AS3MT: variants seen among roughly 807,000 people sequenced by gnomAD.
The protein encoded by AS3MT is S-adenosyl-L-methionine:arsenic(III) methyltransferase.
AS3MT carries 47 observed loss-of-function variants against 45.3 expected under a neutral mutation model. The observed-to-expected ratio is 1.04, with a 90% CI of 0.82 to 1.32. The LOEUF is 1.32. Among genes scored for constraint, AS3MT ranks in the 40% most tolerant of loss-of-function variants. AS3MT has a pLI of 0.00. For missense variants in AS3MT, 396 were observed against 451.1 expected (o/e 0.88, Z 1.11); for synonymous variants, 141 against 152.8 (o/e 0.92, Z 0.57).
chr10:102,885,014 G>C (rs1467181859), intron 9 of AS3MT, among the ~76,000 whole-genome samples: 3 of 151,878 alleles, frequency 2.0e-5, no homozygotes, highest in East Asian at 3.9e-4. Context: ...TTCTTTTCTA[G>C]CTATTTTGAA....
Position 102,878,353 on chromosome 10 carries a change from G to GT in AS3MT, c.611-20dup, listed in dbSNP as rs764290128. ...TGTATTAAGTGTTGGCTGGTCTGTGGTTTTTTGTTGTTGTTTGTTTTTTAG... is the reference window on the plus strand; with the variant it reads ...TGTATTAAGTGTTGGCTGGTCTGTGGTTTTTTTGTTGTTGTTTGTTTTTTAG... On this transcript the variant is annotated intron_variant, in intron 7 of 10. Coordinates refer to ENST00000369880, the MANE Select transcript of AS3MT (RefSeq NM_020682.4). The GT allele has an allele frequency of 5.0e-6, 8 of 1,609,826 alleles. No homozygotes were observed. In the Admixed American group the frequency reaches 1.0e-4, roughly 21 times the overall value.
intron 7 of AS3MT, 132 bp downstream of exon 7, chr10:102,877,167 C>T: frequency 1.3e-6 from 1 of 781,156 alleles, no homozygotes; most frequent in East Asian, 2.5e-5. Context: ...TTCCATTCTT[C>T]CTCTGCCATT....
At chr10:102,873,994 C>T (rs1051001673) in intron 5 of AS3MT, among the ~76,000 whole-genome samples, 2 of 152,010 alleles carry the variant, frequency 1.3e-5, no homozygotes, top group Non-Finnish European at 1.5e-5. Context: ...GTGGCTCACG[C>T]CTATAATCCC....
At chr10:102,895,823 T>C (rs1321734877) in intron 10 of AS3MT, among the ~76,000 whole-genome samples, 1 of 151,786 alleles carries the variant, frequency 6.6e-6, no homozygotes, top group African/African-American at 2.4e-5. Flanking sequence ...TTGCCCAGGC[T>C]AGAGTGCAAT....
chr10:102,884,390 T>A (rs1309925737), intron 9 of AS3MT, among the ~76,000 whole-genome samples: 1 of 151,962 alleles, frequency 6.6e-6, no homozygotes, highest in African/African-American at 2.4e-5. Flanking sequence ...ATCTATCCTG[T>A]TCCACCCCTG....
intron 9 of AS3MT, among the ~76,000 whole-genome samples, chr10:102,889,383 C>A (rs1391946556): frequency 6.6e-6 from 1 of 152,066 alleles, no homozygotes; most frequent in Non-Finnish European, 1.5e-5. Flanking sequence ...ACCTGCAGTT[C>A]CATGCATCTT....
chr10:102,900,997 G>T lies in AS3MT; in HGVS notation c.*297G>T. 2 of 208,406 alleles carry T rather than the reference G, an allele frequency of 9.6e-6. No individual in the cohort carries two copies. The highest frequency in any genetic ancestry group is 1.9e-5 in the Non-Finnish European group (2 of 105,080). 12.9% of individuals were successfully genotyped at this position (208,406 alleles called of 1,614,324 possible). A position where few individuals can be genotyped will look rare whatever the true frequency, so the allele number is the denominator to read the frequency against. On this transcript the variant is annotated 3_prime_UTR_variant, in exon 11 of 11. Transcript: ENST00000369880. The stretch of plus-strand genomic sequence containing the variant: ...AGCTACTCGGGAGGCTGAGGCAGGA[G>T]AATTGCTTGAACCCAGGAAGTAGAG...
chr10:102,874,508 G>T, intron 5 of AS3MT, 84 bp from the exon 6 acceptor site: 1 of 1,013,988 alleles, frequency 9.9e-7, no homozygotes. Context: ...CAGAACGGTG[G>T]GAACCACCTT....
At chr10:102,876,082 T>A (rs974542308) in intron 6 of AS3MT, among the ~76,000 whole-genome samples, 1 of 152,122 alleles carries the variant, frequency 6.6e-6, no homozygotes, top group Admixed American at 6.6e-5. Context: ...AAAAATGTAC[T>A]TATAAAAGGT....
At chr10:102,871,175 C>G (rs536929827) in intron 3 of AS3MT, among the ~76,000 whole-genome samples, 9 of 151,808 alleles carry the variant, frequency 5.9e-5, no homozygotes, top group Non-Finnish European at 1.3e-4. Context: ...ACGTGGAAGG[C>G]GGAGGTCGCA....
At chr10:102,882,127 G>A (rs1844874655) in intron 9 of AS3MT, among the ~76,000 whole-genome samples, 2 of 151,974 alleles carry the variant, frequency 1.3e-5, no homozygotes, top group Admixed American at 1.3e-4. Context: ...TTTTAGTAGA[G>A]TTGGGATTTC....
chr10:102,882,266 G>A (rs1309963220), intron 9 of AS3MT, among the ~76,000 whole-genome samples: 1 of 150,746 alleles, frequency 6.6e-6, no homozygotes, highest in Non-Finnish European at 1.5e-5. Context: ...TGCCCAGGCT[G>A]GTCTTGAACT....
At position 102,878,293 on chromosome 10, in the gene AS3MT, T is replaced by C. The variant is rs1239045515; in HGVS notation, c.611-86T>C. 4.6e-6 allele frequency: 7 copies of C among 1,519,490 alleles called. No homozygotes were observed. In the East Asian group the frequency reaches 1.6e-4, roughly 34 times the overall value. 94.1% of individuals were successfully genotyped at this position (1,519,490 alleles called of 1,614,324 possible). ...CTATGTTTTAACTAATACCATGTCC[T>C]AATTAATTATATAGAAGAATAGTTC... is the stretch of plus-strand genomic sequence containing the variant. On this transcript the variant is annotated intron_variant, in intron 7 of 10. Coordinates refer to ENST00000369880, the MANE Select transcript of AS3MT (RefSeq NM_020682.4).
intron 6 of AS3MT, among the ~76,000 whole-genome samples, chr10:102,876,063 A>G (rs911669414): frequency 5.3e-5 from 8 of 152,132 alleles, no homozygotes; most frequent in Non-Finnish European, 8.8e-5. Flanking sequence ...CCAGTTCACT[A>G]TCTCCACCAA....
intron 4 of AS3MT, among the ~76,000 whole-genome samples, chr10:102,872,871 C>G (rs1399953967): frequency 6.6e-6 from 1 of 152,128 alleles, no homozygotes; most frequent in Non-Finnish European, 1.5e-5. Context: ...TGCCATCTAT[C>G]CTGAAAGATT....
chr10:102,874,712 G>T (rs1213349073), intron 6 of AS3MT, 51 bp downstream of exon 6: 2 of 1,338,074 alleles, frequency 1.5e-6, no homozygotes, highest in Admixed American at 1.9e-5. Context: ...AAGAGCTGAT[G>T]GGTTAAGTCT....
chr10:102,891,456 G>A (rs1404259181), intron 10 of AS3MT, among the ~76,000 whole-genome samples: 1 of 152,154 alleles, frequency 6.6e-6, no homozygotes, highest in East Asian at 1.9e-4. Context: ...TCTCAAAACA[G>A]GACAATTGGA....
chr10:102,874,631 A>T lies in AS3MT; in HGVS notation c.498A>T (p.Gln166His). ...CVINLVPDKQ[Q>H]VLQEAYRVLK... ...TTAACCTTGTGCCTGATAAACAACAAGTGCTTCAGGAGGCATATCGGGTGC... is the reference window on the plus strand; with the variant it reads ...TTAACCTTGTGCCTGATAAACAACATGTGCTTCAGGAGGCATATCGGGTGC... Residue 166 changes from glutamine to histidine, a missense_variant, in exon 6 of 11, where the codon CAA (glutamine) becomes CAT (histidine). Gln to His is a conservative substitution (Grantham distance 24). Coordinates refer to ENST00000369880, the MANE Select transcript of AS3MT (RefSeq NM_020682.4). 6.2e-7 allele frequency: 1 copy of T among 1,610,552 alleles called. No individual in the cohort carries two copies. Among genetic ancestry groups the T allele is most frequent in the Middle Eastern group, 1.7e-4 (1 of 6,058 alleles).
intron 3 of AS3MT, among the ~76,000 whole-genome samples, chr10:102,872,184 C>T (rs1844702409): frequency 6.6e-6 from 1 of 152,224 alleles, no homozygotes; most frequent in Non-Finnish European, 1.5e-5. Context: ...CGCGCCCAGC[C>T]TGAACACATT....
Sources: gnomAD v4.1 joint callset for allele counts (sites outside exome capture counted in the v4.1 genomes callset) on GRCh38, gnomAD v4.1.1 for gene constraint, MANE v1.5 for transcripts, NCBI Gene and HGNC (gene_info 2026-07-23, HGNC 2026-07-21) for gene names.